The following FRY variants were observed in gnomAD, a reference collection of about 807,000 sequenced individuals.
FRY encodes the protein protein furry homolog.
FRY carries 128 observed loss-of-function variants against 348.4 expected under a neutral mutation model. That is an observed-to-expected ratio of 0.37 (90% CI 0.32 to 0.43). FRY has a LOEUF of 0.43. Ranked by LOEUF, FRY falls within the 20% of genes least tolerant of loss-of-function variation. The probability of loss-of-function intolerance (pLI) is 1.00; values close to 1 mark genes in which losing one functional copy is unlikely to be tolerated. For synonymous variants in FRY, 1,370 were observed against 1,374.7 expected, an observed-to-expected ratio of 1.00 and a Z score of 0.08; for missense variants, 2,736 against 3,695.2, an observed-to-expected ratio of 0.74 and a Z score of 6.73.
chr13:32,210,859 T>C lies in FRY; in HGVS notation c.4423-7T>C. 1 of 1,613,378 alleles carries C rather than the reference T, an allele frequency of 6.2e-7. No individual in the cohort carries two copies. The highest frequency in any genetic ancestry group is 1.1e-5 in the South Asian group (1 of 91,058). ...AAACATCCCTTGTTTTCTTTTTTCC[T>C]TCTCAGATTAAAAAAGTGGCAATAT... On this transcript the variant is annotated splice_polypyrimidine_tract_variant and splice_region_variant and intron_variant, in intron 33 of 60. Transcript: ENST00000542859.
At chr13:32,041,756 T>C (rs1593553404) in intron 1 of FRY, among the ~76,000 whole-genome samples, 2 of 152,334 alleles carry the variant, frequency 1.3e-5, no homozygotes, top group African/African-American at 2.4e-5. Context: ...TGCGAGAGAA[T>C]AGGAAAATCA....
At chr13:32,182,864 C>A in intron 23 of FRY, 113 bp from the exon 24 acceptor site, 1 of 711,976 alleles carries the variant, frequency 1.4e-6, no homozygotes, top group East Asian at 2.6e-5. Flanking sequence ...ATTGTGATGT[C>A]AGAAGCAAAG....
Position 32,201,946 on chromosome 13 carries a change from A to G in FRY, c.3752A>G (p.Tyr1251Cys), listed in dbSNP as rs137922593. The G allele has an allele frequency of 1.7e-5, 26 of 1,556,248 alleles. No homozygotes were observed. In the African/African-American group the frequency reaches 2.3e-4, roughly 14 times the overall value. Residue 1251 changes from tyrosine to cysteine, a missense_variant, in exon 30 of 61, where the codon TAT (tyrosine) becomes TGT (cysteine). Around this residue, in one of 9 missense-constraint regions of FRY, gnomAD observed 794 missense variants for 977.0 expected, o/e 0.81. Transcript: ENST00000542859. ...AIATVCGSRN[Y>C]PFDIVTLLNL... ...TTGTTCTGTTGTGTTTTTAGGAACT[A>G]TCCCTTCGACATAGTGACATTGTTA...
chr13:32,152,735 A>C (rs572440194), intron 14 of FRY, among the ~76,000 whole-genome samples: 1 of 152,300 alleles, frequency 6.6e-6, no homozygotes, highest in African/African-American at 2.4e-5. Context: ...AGGACATAAA[A>C]GTCATAAACT....
At chr13:32,207,429 A>G (rs1180246589) in intron 31 of FRY, among the ~76,000 whole-genome samples, 1 of 152,122 alleles carries the variant, frequency 6.6e-6, no homozygotes, top group Non-Finnish European at 1.5e-5. Flanking sequence ...GTGATTTGTC[A>G]ACATAATTTG....
At chr13:32,031,976 C>T in intron 1 of FRY, 111 bp downstream of exon 1, 1 of 639,200 alleles carries the variant, frequency 1.6e-6, no homozygotes, top group South Asian at 1.8e-5. Flanking sequence ...GGAAGTTTTT[C>T]TTTTTTTCTT....
chr13:32,101,768 G>A (rs190096906), intron 2 of FRY, among the ~76,000 whole-genome samples, 195 bp from the exon 3 acceptor site: 4 of 152,208 alleles, frequency 2.6e-5, no homozygotes, highest in Admixed American at 6.5e-5. Flanking sequence ...AGCAAGAGTC[G>A]TGGCAGTAAT....
At chr13:32,245,329 G>A (rs538682758) in intron 47 of FRY, among the ~76,000 whole-genome samples, 14 of 152,124 alleles carry the variant, frequency 9.2e-5, no homozygotes, top group African/African-American at 3.1e-4. Context: ...ATCAAGGCCA[G>A]GTGCAGTGGC....
At chr13:32,244,892 T>C (rs1886699774) in intron 47 of FRY, among the ~76,000 whole-genome samples, 1 of 152,228 alleles carries the variant, frequency 6.6e-6, no homozygotes, top group South Asian at 2.1e-4. Flanking sequence ...AGCCAGTGTC[T>C]TTGTTTTATT....
At chr13:32,168,777 CT>C (rs989725844) in intron 17 of FRY, among the ~76,000 whole-genome samples, 1 of 152,084 alleles carries the variant, frequency 6.6e-6, no homozygotes, top group Non-Finnish European at 1.5e-5. Context: ...AACTAAAGAG[CT>C]TTTTACCTGA....
In FRY at chr13:32,107,971, G is replaced by A. The variant is rs145063660; in HGVS notation, c.324+5955G>A. Among the ~76,000 whole-genome samples, 890 of 152,258 alleles carry A rather than the reference G, an allele frequency of 5.8e-3. 2 individuals carry two copies. The highest frequency in any genetic ancestry group is 0.01 in the Non-Finnish European group (686 of 68,010). ...ACTGTCAGGGCTTAGCGAGTAAAAGGAACTAAAAATCGTTCTGGTAATAAA... is the reference window on the plus strand; with the variant it reads ...ACTGTCAGGGCTTAGCGAGTAAAAGAAACTAAAAATCGTTCTGGTAATAAA... On this transcript the variant is annotated intron_variant, in intron 3 of 60. Transcript: ENST00000542859.
chr13:32,160,053 A>C (rs1332544234), intron 16 of FRY, among the ~76,000 whole-genome samples: 1 of 152,210 alleles, frequency 6.6e-6, no homozygotes, highest in African/African-American at 2.4e-5. Flanking sequence ...TTTCATATAA[A>C]CAATTTTTTA....
rs373789829 is a variant in FRY at position 32,257,342 on chromosome 13, C to T, written c.7416+2948C>T. 5.9e-5 allele frequency among the ~76,000 whole-genome samples: 9 copies of T among 152,232 alleles called. No homozygotes were observed. The East Asian group carries it at 1.2e-3, about 20-fold the overall frequency. On this transcript the variant is annotated intron_variant, in intron 51 of 60. Transcript: ENST00000542859. The stretch of plus-strand genomic sequence containing the variant: ...ATCTGATAAAGTTAGGCATACTTGG[C>T]GTTTAGATCAAAGCACAGTTGTCAA...
intron 14 of FRY, among the ~76,000 whole-genome samples, chr13:32,151,831 A>G (rs951675152): frequency 6.6e-6 from 1 of 152,230 alleles, no homozygotes; most frequent in African/African-American, 2.4e-5. Flanking sequence ...ATAAAAGCGT[A>G]TAGATTGGAA....
chr13:32,195,742 C>G (rs765430314), intron 29 of FRY, among the ~76,000 whole-genome samples: 1 of 152,112 alleles, frequency 6.6e-6, no homozygotes, highest in Admixed American at 6.5e-5. Flanking sequence ...GGTCATAAAA[C>G]CTGCTATGTT....
rs370255786 is a variant in FRY, at chr13:32,151,701, G to A, written c.1479+1867G>A. Among the ~76,000 whole-genome samples the A allele has an allele frequency of 1.7e-4, 26 of 152,254 alleles. 1 individual carries two copies. The highest frequency in any genetic ancestry group is 5.5e-4 in the African/African-American group (23 of 41,552). On this transcript the variant is annotated intron_variant, in intron 14 of 60. Coordinates refer to ENST00000542859, the MANE Select transcript of FRY (RefSeq NM_023037.3). ...ATGACCTTCTATATCCATCCTCATC[G>A]TCGTGAAGACTTGCTGGTCTGTGAG... is the stretch of plus-strand genomic sequence containing the variant.
chr13:32,263,476 AG>A (rs1430096625), intron 53 of FRY, among the ~76,000 whole-genome samples: 1 of 152,196 alleles, frequency 6.6e-6, no homozygotes, highest in Admixed American at 6.5e-5. Flanking sequence ...CTCATTGCAA[AG>A]GTACTACAAT....
chr13:32,119,300 T>C (rs1878502377), intron 4 of FRY, among the ~76,000 whole-genome samples: 1 of 152,180 alleles, frequency 6.6e-6, no homozygotes, highest in South Asian at 2.1e-4. Context: ...TGAAAATAGA[T>C]GTCAGGGATG....
intron 16 of FRY, 125 bp downstream of exon 16, chr13:32,157,530 T>TA (rs11409421): frequency 0.62 from 424,135 of 681,770 alleles, 130,598 homozygotes; most frequent in East Asian, 0.94. Context: ...TAAAGATAGT[T>TA]AAAAAAAAAC....
Sources: allele counts gnomAD v4.1 joint callset (sites outside exome capture counted in the v4.1 genomes callset), GRCh38; gene constraint gnomAD v4.1.1; regional missense constraint gnomAD v4.1.1; transcripts MANE v1.5; gene names NCBI Gene and HGNC (gene_info 2026-07-23, HGNC 2026-07-21).